Variants in PDE7B observed in about 807,000 individuals in gnomAD.
The protein encoded by PDE7B is phosphodiesterase 7B.
A neutral mutation model predicts 56.2 loss-of-function variants in PDE7B; 29 were observed. The ratio of observed to expected loss-of-function variants is 0.52; its 90% CI spans 0.38 to 0.70. The LOEUF (loss-of-function observed/expected upper bound fraction) is 0.70. Ranked by LOEUF, PDE7B falls within the 30% of genes least tolerant of loss-of-function variation. PDE7B has a pLI of 0.00. For synonymous variants in PDE7B, 197 were observed against 196.9 expected, an observed-to-expected ratio of 1.00 and a Z score of 0.00; for missense variants, 490 against 565.0, an observed-to-expected ratio of 0.87 and a Z score of 1.35.
At chr6:136,037,880 C>T in intron 2 of PDE7B, 1 of 984,428 alleles carries the variant, frequency 1.0e-6, no homozygotes. Flanking sequence ...GCTAGAACCT[C>T]GATGGCTTTT....
At chr6:135,917,947 T>C (rs1773988758) in intron 1 of PDE7B, among the ~76,000 whole-genome samples, 1 of 152,228 alleles carries the variant, frequency 6.6e-6, no homozygotes, top group South Asian at 2.1e-4. Context: ...CCCAGCTCTT[T>C]GTGGCCCTGG....
chr6:135,867,006 C>T (rs548831604), intron 1 of PDE7B, among the ~76,000 whole-genome samples: 1 of 152,248 alleles, frequency 6.6e-6, no homozygotes, highest in Non-Finnish European at 1.5e-5. Flanking sequence ...TTTCCTAATA[C>T]TTTATGCAGG....
intron 10 of PDE7B, among the ~76,000 whole-genome samples, chr6:136,179,556 G>A (rs1279563915): frequency 2.0e-5 from 3 of 152,196 alleles, no homozygotes; most frequent in Non-Finnish European, 4.4e-5. Flanking sequence ...TTCTTGTTCA[G>A]TAACTGATTT....
chr6:135,964,656 G>A (rs1774961991), intron 2 of PDE7B, among the ~76,000 whole-genome samples: 1 of 152,098 alleles, frequency 6.6e-6, no homozygotes, highest in South Asian at 2.1e-4. Context: ...ATAGCTATAT[G>A]ATCTGATAAT....
intron 2 of PDE7B, among the ~76,000 whole-genome samples, chr6:135,963,324 A>T (rs1465080114): frequency 6.6e-6 from 1 of 152,190 alleles, no homozygotes; most frequent in Non-Finnish European, 1.5e-5. Context: ...TTTCTTCTCA[A>T]ATTGGACCCA....
intron 1 of PDE7B, among the ~76,000 whole-genome samples, chr6:135,876,549 G>A (rs1033436941): frequency 3.3e-5 from 5 of 152,036 alleles, no homozygotes; most frequent in African/African-American, 9.7e-5. Context: ...TTATATAGTC[G>A]ATAGATATGT....
chr6:136,066,071 T>G (rs1472256217), intron 2 of PDE7B, among the ~76,000 whole-genome samples: 1 of 152,220 alleles, frequency 6.6e-6, no homozygotes, highest in Non-Finnish European at 1.5e-5. Flanking sequence ...TATCCAGGCA[T>G]GTCTATATGT....
intron 2 of PDE7B, among the ~76,000 whole-genome samples, chr6:135,998,819 A>G (rs576052279): frequency 1.3e-5 from 2 of 152,126 alleles, no homozygotes; most frequent in South Asian, 2.1e-4. Flanking sequence ...CTTAGACATT[A>G]CAATTTTCAC....
At chr6:136,081,900 C>T (rs1253065233) in intron 2 of PDE7B, among the ~76,000 whole-genome samples, 1 of 152,084 alleles carries the variant, frequency 6.6e-6, no homozygotes, top group African/African-American at 2.4e-5. Context: ...AGCAGTGGTC[C>T]TCAAACTAGA....
At position 136,086,180 on chromosome 6, in the gene PDE7B, G is replaced by A. The variant is rs567476567; in HGVS notation, c.83-22551G>A. 7.9e-5 allele frequency among the ~76,000 whole-genome samples: 12 copies of A among 152,272 alleles called. No homozygotes were observed. In the South Asian group the frequency reaches 2.5e-3, roughly 32 times the overall value. ...TTTTCTGTAGTTGGATTGCGTGTCT[G>A]GGTAACTGGAGTTATAACTCCTGTG... On this transcript the variant is annotated intron_variant, in intron 2 of 12. Transcript: ENST00000308191.
At chr6:135,947,390 G>C (rs1352894958) in intron 1 of PDE7B, 74 bp from the exon 2 acceptor site, 2 of 1,121,666 alleles carry the variant, frequency 1.8e-6, no homozygotes, top group Non-Finnish European at 2.7e-6. Flanking sequence ...GGTAATGTCA[G>C]GTCACATGGA....
chr6:135,986,001 T>C (rs1301443473), intron 2 of PDE7B, among the ~76,000 whole-genome samples: 1 of 152,196 alleles, frequency 6.6e-6, no homozygotes, highest in Non-Finnish European at 1.5e-5. Context: ...CCAATTATAA[T>C]GCTGTTACTC....
At chr6:135,889,583 G>A (rs1383887091) in intron 1 of PDE7B, among the ~76,000 whole-genome samples, 1 of 150,264 alleles carries the variant, frequency 6.7e-6, no homozygotes, top group African/African-American at 2.5e-5. Context: ...TGGGATTACA[G>A]GCGCCCACCA....
At chr6:136,033,194 AG>A (rs1275875200) in intron 2 of PDE7B, among the ~76,000 whole-genome samples, 1 of 152,242 alleles carries the variant, frequency 6.6e-6, no homozygotes, top group African/African-American at 2.4e-5. Flanking sequence ...ATCAGCAGGC[AG>A]GAGCTGAGTA....
chr6:135,992,884 A>G (rs1775499874), intron 2 of PDE7B, among the ~76,000 whole-genome samples: 1 of 152,242 alleles, frequency 6.6e-6, no homozygotes, highest in African/African-American at 2.4e-5. Context: ...CAAGTACACA[A>G]TCTCATGTGC....
At chr6:136,112,450 G>T (rs992361733) in intron 3 of PDE7B, 2 of 152,230 alleles carry the variant, frequency 1.3e-5, no homozygotes, top group African/African-American at 4.8e-5. Flanking sequence ...CACAGAAACC[G>T]TGTGGTCTAC....
chr6:136,040,841 A>G (rs1776400589), intron 2 of PDE7B, among the ~76,000 whole-genome samples: 1 of 152,250 alleles, frequency 6.6e-6, no homozygotes, highest in African/African-American at 2.4e-5. Context: ...AAAATTTTCT[A>G]TTCAAACAAC....
intron 2 of PDE7B, among the ~76,000 whole-genome samples, chr6:135,950,700 T>A (rs914374282): frequency 2.6e-5 from 4 of 152,224 alleles, no homozygotes; most frequent in East Asian, 1.9e-4. Flanking sequence ...TTCAGCACAG[T>A]TGGGGTGGAA....
intron 2 of PDE7B, among the ~76,000 whole-genome samples, chr6:136,107,257 G>A (rs567413139): frequency 1.3e-5 from 2 of 152,272 alleles, no homozygotes; most frequent in South Asian, 4.2e-4. Flanking sequence ...CCAGGCTGGG[G>A]CCCCAGTGCC....
Sources: gnomAD v4.1 joint callset for allele counts (sites outside exome capture counted in the v4.1 genomes callset) on GRCh38, gnomAD v4.1.1 for gene constraint, MANE v1.5 for transcripts, NCBI Gene and HGNC (gene_info 2026-07-23, HGNC 2026-07-21) for gene names.